SYN3: variants seen among roughly 807,000 people sequenced by gnomAD.
SYN3 encodes synapsin III.
In SYN3, 35 loss-of-function variants were observed where a neutral mutation model predicts 65.8. That is an observed-to-expected ratio of 0.53 (90% CI 0.41 to 0.70). The LOEUF is 0.70. SYN3 is among the 30% of genes least tolerant of loss of function. The pLI is 0.00. For synonymous variants in SYN3, 270 were observed against 292.9 expected (o/e 0.92, Z 0.80); for missense variants, 680 against 749.0 (o/e 0.91, Z 1.08).
intron 6 of SYN3, among the ~76,000 whole-genome samples, chr22:32,686,836 C>A (rs2060596585): frequency 1.3e-5 from 2 of 152,128 alleles, no homozygotes; most frequent in Non-Finnish European, 2.9e-5. Flanking sequence ...CTCAGGTGAT[C>A]CGCCTGCCTC....
At chr22:33,008,689 A>C (rs780255843) in intron 1 of SYN3, among the ~76,000 whole-genome samples, 14 of 152,110 alleles carry the variant, frequency 9.2e-5, no homozygotes, top group Admixed American at 7.2e-4. Context: ...TGAGGTGGGC[A>C]GATCACTTGA....
At chr22:33,053,014 C>A (rs1425498529) in intron 1 of SYN3, among the ~76,000 whole-genome samples, 1 of 152,192 alleles carries the variant, frequency 6.6e-6, no homozygotes. Flanking sequence ...CCTCTCCAAA[C>A]AAGATAACAT....
chr22:32,514,038 T>C (rs1042854909), intron 13 of SYN3, among the ~76,000 whole-genome samples: 5 of 152,122 alleles, frequency 3.3e-5, no homozygotes, highest in African/African-American at 1.2e-4. Flanking sequence ...GGTTCAGAAA[T>C]AGGGGTTCAC....
intron 4 of SYN3, among the ~76,000 whole-genome samples, chr22:32,915,408 A>G (rs2050161048): frequency 6.6e-6 from 1 of 152,236 alleles, no homozygotes; most frequent in Non-Finnish European, 1.5e-5. Context: ...GAGGTTGGGT[A>G]AGGAACATAT....
intron 6 of SYN3, among the ~76,000 whole-genome samples, chr22:32,602,805 C>T (rs921204762): frequency 2.6e-5 from 4 of 152,178 alleles, no homozygotes; most frequent in African/African-American, 4.8e-5. Context: ...CACATGTACA[C>T]GTGCACTGGT....
chr22:32,586,147 CAT>C (rs1223691663), intron 7 of SYN3, among the ~76,000 whole-genome samples: 2 of 148,610 alleles, frequency 1.3e-5, no homozygotes, highest in East Asian at 3.9e-4. Context: ...TACATATACA[CAT>C]ATACACACAA....
intron 6 of SYN3, among the ~76,000 whole-genome samples, chr22:32,648,848 G>A (rs1208445014): frequency 2.0e-5 from 3 of 152,186 alleles, no homozygotes; most frequent in African/African-American, 7.2e-5. Flanking sequence ...CTTTTACTCT[G>A]AGGTGCCACA....
intron 6 of SYN3, among the ~76,000 whole-genome samples, chr22:32,715,961 G>A (rs985783494): frequency 6.6e-6 from 1 of 152,164 alleles, no homozygotes; most frequent in Non-Finnish European, 1.5e-5. Flanking sequence ...AGCCCAGAAA[G>A]AGCTAGGGAA....
At chr22:32,832,049 C>A (rs1045387805) in intron 6 of SYN3, among the ~76,000 whole-genome samples, 5 of 152,166 alleles carry the variant, frequency 3.3e-5, no homozygotes, top group African/African-American at 1.2e-4. Flanking sequence ...GAATGTGCAG[C>A]TGATGGACCA....
intron 7 of SYN3, among the ~76,000 whole-genome samples, chr22:32,543,285 G>C (rs1236960376): frequency 6.6e-6 from 1 of 152,180 alleles, no homozygotes; most frequent in East Asian, 1.9e-4. Context: ...TAAGGAAACT[G>C]AGATTTCTTG....
At position 32,605,669 on chromosome 22, in the gene SYN3, C is replaced by A. The variant is rs551990832; in HGVS notation, c.712-8933G>T. On this transcript the variant is annotated intron_variant, in intron 6 of 13. Transcript: ENST00000358763. Reference sequence around the variant, plus strand: ...GAGCTAGGATTCAGCCAGAGCCACCCGCCCCTGCTCCCTCCTGCATGGTGC... The same window carrying A: ...GAGCTAGGATTCAGCCAGAGCCACCAGCCCCTGCTCCCTCCTGCATGGTGC... Among the ~76,000 whole-genome samples the A allele has an allele frequency of 5.9e-5, 9 of 152,286 alleles. No individual in the cohort carries two copies. In the South Asian group the frequency reaches 1.9e-3, roughly 32 times the overall value.
chr22:32,876,299 A>G (rs1229461250), intron 4 of SYN3, among the ~76,000 whole-genome samples: 1 of 152,124 alleles, frequency 6.6e-6, no homozygotes, highest in East Asian at 1.9e-4. Flanking sequence ...TCACCTCCTA[A>G]TGGCCCCACC....
chr22:32,647,243 C>G (rs2059996654), intron 6 of SYN3, among the ~76,000 whole-genome samples: 1 of 152,082 alleles, frequency 6.6e-6, no homozygotes, highest in Non-Finnish European at 1.5e-5. Context: ...ACCCAGGGAT[C>G]TCCAGAAGGC....
intron 4 of SYN3, among the ~76,000 whole-genome samples, chr22:32,884,345 C>A (rs1296024022): frequency 6.6e-6 from 1 of 152,174 alleles, no homozygotes; most frequent in Non-Finnish European, 1.5e-5. Flanking sequence ...CCAGTTCTAC[C>A]ACTAAACAAC....
intron 4 of SYN3, among the ~76,000 whole-genome samples, chr22:32,922,419 G>T (rs989592446): frequency 7.2e-5 from 11 of 152,210 alleles, no homozygotes; most frequent in Non-Finnish European, 1.2e-4. Context: ...CATGTTAAGT[G>T]CTTGGAGCAG....
intron 6 of SYN3, among the ~76,000 whole-genome samples, chr22:32,673,938 G>C (rs959841855): frequency 6.6e-6 from 1 of 152,120 alleles, no homozygotes; most frequent in African/African-American, 2.4e-5. Flanking sequence ...CTCCAGAGTG[G>C]CACGATTGCA....
intron 2 of SYN3, among the ~76,000 whole-genome samples, chr22:32,995,722 G>A (rs2052859763): frequency 6.6e-6 from 1 of 152,048 alleles, no homozygotes. Flanking sequence ...GAGTGTTGTG[G>A]CACTATCTCG....
intron 6 of SYN3, among the ~76,000 whole-genome samples, chr22:32,634,681 C>T (rs2059790661): frequency 6.6e-6 from 1 of 152,196 alleles, no homozygotes; most frequent in Non-Finnish European, 1.5e-5. Context: ...TATTACTTCT[C>T]TTTCAGGACT....
At chr22:32,681,874 T>G (rs1453390860) in intron 6 of SYN3, among the ~76,000 whole-genome samples, 1 of 152,230 alleles carries the variant, frequency 6.6e-6, no homozygotes, top group Non-Finnish European at 1.5e-5. Context: ...TGAAATGAAC[T>G]GCAGGGCAAG....
Sources: gnomAD v4.1 joint callset for allele counts (sites outside exome capture counted in the v4.1 genomes callset) on GRCh38, gnomAD v4.1.1 for gene constraint, MANE v1.5 for transcripts, NCBI Gene and HGNC (gene_info 2026-07-23, HGNC 2026-07-21) for gene names.